The following NRG3 variants were observed in gnomAD, a reference collection of about 807,000 sequenced individuals.
NRG3 encodes pro-neuregulin-3, membrane-bound isoform.
A neutral mutation model predicts 66.9 loss-of-function variants in NRG3; 31 were observed. That is an observed-to-expected ratio of 0.46 (90% CI 0.35 to 0.63). The LOEUF is 0.63. Among genes scored for constraint, NRG3 ranks in the 20% least tolerant of loss-of-function variants. NRG3 has a pLI of 0.00. For missense variants in NRG3, 910 were observed against 878.9 expected (o/e 1.04, Z -0.45); for synonymous variants, 393 against 359.4 (o/e 1.09, Z -1.06).
At chr10:82,403,131 T>A (rs940474589) in intron 2 of NRG3, among the ~76,000 whole-genome samples, 1 of 152,172 alleles carries the variant, frequency 6.6e-6, no homozygotes, top group Admixed American at 6.5e-5. Flanking sequence ...GAAGCCTTCA[T>A]GCTAGGTAAT....
chr10:82,854,603 T>C (rs2063717724), intron 3 of NRG3, among the ~76,000 whole-genome samples: 1 of 152,224 alleles, frequency 6.6e-6, no homozygotes, highest in South Asian at 2.1e-4. Context: ...CCAACCAGGC[T>C]TTAACGATGG....
At chr10:82,832,056 T>G (rs994694634) in intron 3 of NRG3, among the ~76,000 whole-genome samples, 2 of 152,220 alleles carry the variant, frequency 1.3e-5, no homozygotes, top group African/African-American at 2.4e-5. Context: ...ATAGCTACTA[T>G]TTTCTCACTT....
At chr10:82,712,632 G>A (rs541982159) in intron 2 of NRG3, among the ~76,000 whole-genome samples, 2 of 152,170 alleles carry the variant, frequency 1.3e-5, no homozygotes, top group African/African-American at 4.8e-5. Context: ...CTGGATGCTC[G>A]CAATGGGAGT....
At chr10:82,965,165 G>A (rs1851089144) in intron 6 of NRG3, among the ~76,000 whole-genome samples, 1 of 152,046 alleles carries the variant, frequency 6.6e-6, no homozygotes, top group Admixed American at 6.6e-5. Flanking sequence ...AATGAACTGG[G>A]GCATCTCCTT....
At chr10:82,703,645 T>G (rs1016276101) in intron 2 of NRG3, among the ~76,000 whole-genome samples, 2 of 152,166 alleles carry the variant, frequency 1.3e-5, no homozygotes, top group Non-Finnish European at 2.9e-5. Flanking sequence ...TATTGTTAAT[T>G]TCCTACCAAC....
At chr10:82,226,365 C>T (rs1309497930) in intron 1 of NRG3, among the ~76,000 whole-genome samples, 1 of 152,070 alleles carries the variant, frequency 6.6e-6, no homozygotes, top group Non-Finnish European at 1.5e-5. Flanking sequence ...CTCAGAAAAG[C>T]AGGTATAGCT....
chr10:82,555,722 A>T (rs2044605015), intron 2 of NRG3, among the ~76,000 whole-genome samples: 1 of 152,200 alleles, frequency 6.6e-6, no homozygotes, highest in Admixed American at 6.6e-5. Flanking sequence ...ATACTTGCTC[A>T]ATGATTTGGC....
Position 82,190,169 on chromosome 10 carries a change from A to G in NRG3, c.824-168570A>G, listed in dbSNP as rs78158672. 7.3e-3 allele frequency among the ~76,000 whole-genome samples: 1,113 copies of G among 152,222 alleles called. 9 individuals carry two copies. The highest frequency in any genetic ancestry group is 0.025 in the African/African-American group (1,059 of 41,552). On this transcript the variant is annotated intron_variant, in intron 1 of 8. Coordinates refer to ENST00000372141, the MANE Select transcript of NRG3 (RefSeq NM_001010848.4). Reference sequence around the variant, plus strand: ...TGAAAAGGGGACAATAATAGTGCCTACTTTCTAAAGTTGCTGAGAGGGTTG... The same window carrying G: ...TGAAAAGGGGACAATAATAGTGCCTGCTTTCTAAAGTTGCTGAGAGGGTTG...
chr10:82,725,083 T>G (rs2057522880), intron 2 of NRG3, among the ~76,000 whole-genome samples: 1 of 152,216 alleles, frequency 6.6e-6, no homozygotes, highest in Non-Finnish European at 1.5e-5. Context: ...CATTGCCCTC[T>G]GTTACACGTC....
intron 1 of NRG3, among the ~76,000 whole-genome samples, chr10:82,171,686 A>G (rs1027699755): frequency 1.3e-5 from 2 of 152,048 alleles, no homozygotes; most frequent in Non-Finnish European, 2.9e-5. Context: ...GAACTCAAAA[A>G]CTTGCTCTTG....
In NRG3 at chr10:82,390,739, C is replaced by T. The variant is rs1266011639; in HGVS notation, c.953+31871C>T. Among the ~76,000 whole-genome samples, 10 of 152,288 alleles carry T rather than the reference C, an allele frequency of 6.6e-5. No individual in the cohort carries two copies. In the East Asian group the frequency reaches 1.4e-3, roughly 21 times the overall value. The stretch of plus-strand genomic sequence containing the variant: ...TAAAAAGAGGAATTCATCTACTTCT[C>T]TGCAGAAGAGGACTGGTAAATGGAC... On this transcript the variant is annotated intron_variant, in intron 2 of 8. Transcript: ENST00000372141.
intron 3 of NRG3, among the ~76,000 whole-genome samples, chr10:82,821,427 T>G (rs916152669): frequency 6.6e-6 from 1 of 151,844 alleles, no homozygotes; most frequent in African/African-American, 2.4e-5. Context: ...GATTCCTAAA[T>G]TATGAATCTT....
chr10:82,715,120 C>T (rs939067298), intron 2 of NRG3, among the ~76,000 whole-genome samples: 1 of 152,002 alleles, frequency 6.6e-6, no homozygotes, highest in East Asian at 1.9e-4. Flanking sequence ...TGTGGCTGGG[C>T]GTGGTGGCTC....
intron 2 of NRG3, among the ~76,000 whole-genome samples, chr10:82,362,711 T>C (rs7895428): frequency 0.33 from 50,538 of 151,520 alleles, 10,893 homozygotes; most frequent in African/African-American, 0.6. Flanking sequence ...AGCCACAGAT[T>C]ATCCACAGGC....
intron 1 of NRG3, among the ~76,000 whole-genome samples, chr10:81,876,452 G>T (rs943152836): frequency 6.6e-6 from 1 of 152,136 alleles, no homozygotes; most frequent in Admixed American, 6.5e-5. Flanking sequence ...CCTTCAAAGG[G>T]TTAACGCGAG....
chr10:82,291,021 A>T (rs7908363), intron 1 of NRG3, among the ~76,000 whole-genome samples: 43,341 of 151,736 alleles, frequency 0.29, 6,289 homozygotes, highest in Middle Eastern at 0.33. Flanking sequence ...AACTGAAATA[A>T]CACCTGGTTT....
intron 8 of NRG3, among the ~76,000 whole-genome samples, chr10:82,982,827 C>T (rs1853065575): frequency 1.3e-5 from 2 of 152,140 alleles, no homozygotes; most frequent in Admixed American, 6.5e-5. Flanking sequence ...ATCTTCATGT[C>T]ATGGTAACAT....
At chr10:82,509,122 C>G (rs1027898093) in intron 2 of NRG3, among the ~76,000 whole-genome samples, 2 of 152,120 alleles carry the variant, frequency 1.3e-5, no homozygotes, top group Admixed American at 1.3e-4. Context: ...CCATATCCCC[C>G]AAACTCCCCT....
intron 2 of NRG3, among the ~76,000 whole-genome samples, chr10:82,510,466 T>C (rs1325935341): frequency 6.6e-6 from 1 of 152,172 alleles, no homozygotes; most frequent in African/African-American, 2.4e-5. Context: ...ATTTTGATGG[T>C]TTCAGTCCAG....
Sources: allele counts gnomAD v4.1 joint callset (sites outside exome capture counted in the v4.1 genomes callset), GRCh38; gene constraint gnomAD v4.1.1; transcripts MANE v1.5; gene names NCBI Gene and HGNC (gene_info 2026-07-23, HGNC 2026-07-21).